Variants in SMIM21 observed in about 807,000 individuals in gnomAD.
SMIM21 encodes small integral membrane protein 21, also known as chromosome 18 open reading frame 62.
Under a neutral mutation model 8.6 loss-of-function variants are expected in SMIM21, and 8 were observed. The ratio of observed to expected loss-of-function variants is 0.93; its 90% CI spans 0.55 to 1.68. The LOEUF is 1.68. SMIM21 is among the 40% of genes most tolerant of loss of function. The probability of loss-of-function intolerance (pLI) is 0.00; values close to 1 mark genes in which losing one functional copy is unlikely to be tolerated. For synonymous variants in SMIM21, 43 were observed against 41.7 expected (o/e 1.03, Z -0.12); for missense variants, 132 against 123.0 (o/e 1.07, Z -0.35).
At chr18:75,418,184 G>GT in intron 2 of SMIM21, 1 of 398,496 alleles carries the variant, frequency 2.5e-6, no homozygotes, top group Non-Finnish European at 4.4e-6. Flanking sequence ...GAAAGAAGGA[G>GT]TTTTTTACCT....
chr18:75,409,659 C>CTG lies in SMIM21; in HGVS notation c.*1203_*1204dup, dbSNP rs10643353. On this transcript the variant is annotated 3_prime_UTR_variant, in exon 3 of 3. Transcript: ENST00000579022. ...GACTGTTCCATCGGTGACAAGAACT[C>CTG]TGTGTGTGTGTGTGTGTGTGTATGT... is the stretch of plus-strand genomic sequence containing the variant. The CTG allele has an allele frequency of 0.65, 97,578 of 149,738 alleles. 32,188 individuals carry two copies. Among genetic ancestry groups the CTG allele is most frequent in the East Asian group, 0.94 (4,759 of 5,062 alleles). 9.3% of individuals were successfully genotyped at this position (149,738 alleles called of 1,614,324 possible). A position where few individuals can be genotyped will look rare whatever the true frequency, so the allele number is the denominator to read the frequency against.
At chr18:75,411,398 C>T (rs1165872983) in intron 2 of SMIM21, among the ~76,000 whole-genome samples, 1 of 152,218 alleles carries the variant, frequency 6.6e-6, no homozygotes, top group Non-Finnish European at 1.5e-5. Context: ...GCCTGACGGC[C>T]TCAAGAATGT....
chr18:75,417,344 G>A (rs1255250986), intron 2 of SMIM21: 2 of 152,192 alleles, frequency 1.3e-5, no homozygotes, highest in African/African-American at 2.4e-5. Flanking sequence ...ACGGGTAGGT[G>A]TAAATCTCAG....
rs369789895 is a variant in SMIM21, at chr18:75,427,586, G to T, written c.-23C>A. On this transcript the variant is annotated 5_prime_UTR_variant, in exon 1 of 3. In the 5' UTR this introduces an upstream ATG that the reference lacks. Coordinates refer to ENST00000579022, the MANE Select transcript of SMIM21 (RefSeq NM_001037331.3). ...CATGTGGGGGCTGCGGCGGTGACCA[G>T]TGAGAGGTCTCCTTGATGACAGCGA... The T allele has an allele frequency of 5.7e-6, 9 of 1,571,386 alleles. No homozygotes were observed. The highest frequency in any genetic ancestry group is 7.8e-6 in the Non-Finnish European group (9 of 1,156,788).
intron 1 of SMIM21, among the ~76,000 whole-genome samples, chr18:75,426,392 CT>C (rs1183746019): frequency 1.3e-5 from 2 of 151,946 alleles, no homozygotes; most frequent in African/African-American, 2.4e-5. Context: ...TCACTGCAAG[CT>C]CTGCCTCCCG....
At chr18:75,418,529 C>A (rs1052438521) in intron 2 of SMIM21, among the ~76,000 whole-genome samples, 1 of 152,140 alleles carries the variant, frequency 6.6e-6, no homozygotes, top group African/African-American at 2.4e-5. Flanking sequence ...AGAAGGAGGT[C>A]GCTGCAGTAT....
intron 2 of SMIM21, among the ~76,000 whole-genome samples, chr18:75,412,872 A>G (rs545413104): frequency 3.3e-5 from 5 of 152,014 alleles, no homozygotes; most frequent in African/African-American, 9.7e-5. Context: ...CTCCTCCCCC[A>G]GTCTCATTGC....
intron 1 of SMIM21, among the ~76,000 whole-genome samples, chr18:75,421,491 G>A (rs2024708133): frequency 6.6e-6 from 1 of 151,970 alleles, no homozygotes; most frequent in African/African-American, 2.4e-5. Flanking sequence ...CGGGAGTGGA[G>A]GGAGCTGAGG....
At chr18:75,426,153 G>T (rs1296415660) in intron 1 of SMIM21, among the ~76,000 whole-genome samples, 2 of 152,266 alleles carry the variant, frequency 1.3e-5, no homozygotes, top group East Asian at 3.9e-4. Flanking sequence ...GATGTTGATT[G>T]ATGAAATTTA....
Position 75,409,908 on chromosome 18 carries a change from C to T in SMIM21, c.*956G>A, listed in dbSNP as rs892339534. ...TTCAGTGCACAGCTGCCACAGGCAA[C>T]CTGGACGAATCCAGCCAGGCGGATA... is the stretch of plus-strand genomic sequence containing the variant. On this transcript the variant is annotated 3_prime_UTR_variant, in exon 3 of 3. Coordinates refer to ENST00000579022, the MANE Select transcript of SMIM21 (RefSeq NM_001037331.3). The T allele has an allele frequency of 1.3e-5, 2 of 152,676 alleles. No homozygotes were observed. The highest frequency in any genetic ancestry group is 2.9e-5 in the Non-Finnish European group (2 of 68,062). 9.5% of individuals were successfully genotyped at this position (152,676 alleles called of 1,614,324 possible).
chr18:75,424,769 A>G (rs7231277), intron 1 of SMIM21, among the ~76,000 whole-genome samples: 43,032 of 152,142 alleles, frequency 0.28, 6,716 homozygotes, highest in Middle Eastern at 0.37. Context: ...CTTCTTTCTT[A>G]TTTAAAATGT....
chr18:75,418,560 C>T (rs2024673220), intron 2 of SMIM21, among the ~76,000 whole-genome samples: 1 of 152,212 alleles, frequency 6.6e-6, no homozygotes, highest in Admixed American at 6.5e-5. Flanking sequence ...CTCTGTCTAT[C>T]TATGTGGCCC....
At chr18:75,413,123 C>G (rs1053265084) in intron 2 of SMIM21, among the ~76,000 whole-genome samples, 2 of 152,082 alleles carry the variant, frequency 1.3e-5, no homozygotes, top group Admixed American at 1.3e-4. Flanking sequence ...CCTGGGCCCC[C>G]CTACCTGAGT....
chr18:75,412,319 C>T (rs533034858), intron 2 of SMIM21, among the ~76,000 whole-genome samples: 21 of 152,258 alleles, frequency 1.4e-4, no homozygotes, highest in East Asian at 7.7e-4. Context: ...GAAGAAAATA[C>T]GGTGAATTTA....
intron 2 of SMIM21, among the ~76,000 whole-genome samples, chr18:75,413,538 T>C (rs777125697): frequency 6.6e-6 from 1 of 152,224 alleles, no homozygotes; most frequent in Non-Finnish European, 1.5e-5. Context: ...CCTTTAATGA[T>C]TCCCATTGCT....
intron 2 of SMIM21, chr18:75,417,488 A>G (rs1266342514): frequency 6.6e-6 from 1 of 152,142 alleles, no homozygotes; most frequent in African/African-American, 2.4e-5. Context: ...TTTCCAGCCA[A>G]CTCATTAAGT....
chr18:75,426,666 A>AAAAAAAAAAAAAAG (rs2024767327), intron 1 of SMIM21, among the ~76,000 whole-genome samples: 1 of 119,808 alleles, frequency 8.3e-6, no homozygotes, highest in Non-Finnish European at 1.7e-5. Flanking sequence ...AAAAAAAAAA[A>AAAAAAAAAAAAAAG]AAAAATGGAA....
intron 2 of SMIM21, among the ~76,000 whole-genome samples, chr18:75,418,559 T>C (rs1440769605): frequency 6.6e-6 from 1 of 152,216 alleles, no homozygotes; most frequent in East Asian, 1.9e-4. Context: ...ACTCTGTCTA[T>C]CTATGTGGCC....
chr18:75,427,479 G>T lies in SMIM21; in HGVS notation c.85C>A (p.Arg29=). 1.2e-6 allele frequency: 2 copies of T among 1,614,002 alleles called. No individual in the cohort carries two copies. Among genetic ancestry groups the T allele is most frequent in the Non-Finnish European group, 8.5e-7 (1 of 1,179,988 alleles). The change falls in exon 1 of 3, where the codon CGG becomes AGG. Residue 29 remains arginine (R), a synonymous_variant. Transcript: ENST00000579022. Reference sequence around the variant, plus strand: ...TGCAGCAAATTCCCCTTGAATATCCGTCCCATTCCTGCAGAGTCTTGTTTA... The same window carrying T: ...TGCAGCAAATTCCCCTTGAATATCCTTCCCATTCCTGCAGAGTCTTGTTTA... ...TFKQDSAGMG[R]IFKGNLLQKK... is the part of the protein sequence containing the mutation.
Sources: gnomAD v4.1 joint callset for allele counts (sites outside exome capture counted in the v4.1 genomes callset) on GRCh38, gnomAD v4.1.1 for gene constraint, MANE v1.5 for transcripts, NCBI Gene and HGNC (gene_info 2026-07-23, HGNC 2026-07-21) for gene names.